PRDM2: variants seen among roughly 807,000 people sequenced by gnomAD.
PRDM2 encodes the protein PR domain zinc finger protein 2.
Under a neutral mutation model 130.0 loss-of-function variants are expected in PRDM2, and 30 were observed. The observed-to-expected ratio is 0.23, with a 90% CI of 0.17 to 0.31. PRDM2 has a LOEUF of 0.31. PRDM2 is among the 10% of genes least tolerant of loss of function. The pLI is 1.00. For missense variants in PRDM2, 2,011 were observed against 2,108.4 expected (o/e 0.95, Z 0.90); for synonymous variants, 871 against 782.4 (o/e 1.11, Z -1.89).
chr1:13,780,282 T>C lies in PRDM2; in HGVS notation c.2487T>C (p.Gly829=). 1 of 1,614,088 alleles carries C rather than the reference T, an allele frequency of 6.2e-7. No homozygotes were observed. The highest frequency in any genetic ancestry group is 8.5e-7 in the Non-Finnish European group (1 of 1,180,018). The part of the protein sequence containing the change: ...CNQQPLDLSS[G]VKQKAEGTGK... Reference sequence around the variant, plus strand: ...AGCAGCCACTGGATTTATCCAGCGGTGTCAAACAGAAGGCTGAGGGTACAG... The same window carrying C: ...AGCAGCCACTGGATTTATCCAGCGGCGTCAAACAGAAGGCTGAGGGTACAG... The change falls in exon 8 of 10, where the codon GGT becomes GGC. Residue 829 remains glycine, a synonymous_variant. Coordinates refer to ENST00000311066, the MANE Select transcript of PRDM2 (RefSeq NM_001393986.1).
intron 6 of PRDM2, among the ~76,000 whole-genome samples, chr1:13,753,854 T>C (rs1206739903): frequency 6.6e-6 from 1 of 152,220 alleles, no homozygotes; most frequent in African/African-American, 2.4e-5. Context: ...TCTTCCCTTC[T>C]GTTACTTAAC....
chr1:13,781,760 C>T lies in PRDM2; in HGVS notation c.3965C>T (p.Thr1322Ile), dbSNP rs750762260. Residue 1322 changes from threonine to isoleucine, a missense_variant, in exon 8 of 10, where the codon ACA becomes ATA. Thr to Ile is a moderately conservative substitution (Grantham distance 89). Coordinates refer to ENST00000311066, the MANE Select transcript of PRDM2 (RefSeq NM_001393986.1). This position sits in a 1 kb window ranked among gnomAD's most constrained non-coding sequence, Gnocchi z 6.1. ...GGTGTGACAGCCACAAATTTCACTA[C>T]ACACAATATTCCACAGACTTTCACT... ...GIGVTATNFT[T>I]HNIPQTFTTA... is the part of the protein sequence containing the mutation. 2 of 1,614,226 alleles carry T rather than the reference C, an allele frequency of 1.2e-6. No individual in the cohort carries two copies. The highest frequency in any genetic ancestry group is 1.7e-6 in the Non-Finnish European group (2 of 1,180,046).
chr1:13,728,493 C>T (rs542255155), intron 2 of PRDM2, among the ~76,000 whole-genome samples: 14 of 152,222 alleles, frequency 9.2e-5, no homozygotes, highest in Non-Finnish European at 1.6e-4. Flanking sequence ...GAGAGTCCAG[C>T]GGGGCTGTGG....
chr1:13,754,137 G>A (rs1458645616), intron 6 of PRDM2, among the ~76,000 whole-genome samples: 1 of 152,140 alleles, frequency 6.6e-6, no homozygotes, highest in African/African-American at 2.4e-5. Flanking sequence ...AGGTCTCCAG[G>A]AAGAGGGACC....
Position 13,726,628 on chromosome 1 carries a change from A to G in PRDM2, c.10-4372A>G, listed in dbSNP as rs76081057. Among the ~76,000 whole-genome samples the G allele has an allele frequency of 5.2e-4, 79 of 152,366 alleles. No homozygotes were observed. The East Asian group carries it at 0.014, about 27-fold the overall frequency. ...GAGTTTGAGGTAGGAAGTTGGAAAC[A>G]TCGAATTAATGAGATCAATTAATAG... On this transcript the variant is annotated intron_variant, in intron 2 of 9. Transcript: ENST00000311066.
At chr1:13,815,691 A>G (rs904596727) in intron 8 of PRDM2, among the ~76,000 whole-genome samples, 2 of 152,222 alleles carry the variant, frequency 1.3e-5, no homozygotes, top group Non-Finnish European at 2.9e-5. Context: ...TGAGTTATCT[A>G]TCTTTTAAAT....
At chr1:13,718,566 G>C (rs1052489642) in intron 2 of PRDM2, among the ~76,000 whole-genome samples, 1 of 152,094 alleles carries the variant, frequency 6.6e-6, no homozygotes, top group Non-Finnish European at 1.5e-5. Context: ...AAAGCTCCCC[G>C]ACCTACATAT....
At chr1:13,734,216 C>G (rs1037939408) in intron 4 of PRDM2, among the ~76,000 whole-genome samples, 7 of 152,066 alleles carry the variant, frequency 4.6e-5, no homozygotes, top group African/African-American at 1.7e-4. Flanking sequence ...AAAAACTGCC[C>G]GGCCAAAAAA....
chr1:13,800,972 C>T (rs1281803336), intron 8 of PRDM2, among the ~76,000 whole-genome samples: 1 of 152,200 alleles, frequency 6.6e-6, no homozygotes, highest in African/African-American at 2.4e-5. Context: ...GCTCAGGCTG[C>T]TGGTGGTGGA....
chr1:13,734,442 C>T (rs1001350655), intron 4 of PRDM2, among the ~76,000 whole-genome samples: 2 of 152,148 alleles, frequency 1.3e-5, no homozygotes, highest in Non-Finnish European at 2.9e-5. Flanking sequence ...TGAACAAATG[C>T]CATCAATATT....
intron 8 of PRDM2, among the ~76,000 whole-genome samples, chr1:13,815,338 C>T (rs1187162039): frequency 6.6e-6 from 1 of 152,156 alleles, no homozygotes. Flanking sequence ...TCTTGAACTC[C>T]TGACCTCAGG....
intron 6 of PRDM2, among the ~76,000 whole-genome samples, chr1:13,764,543 A>G (rs1295949850): frequency 6.6e-6 from 1 of 152,216 alleles, no homozygotes; most frequent in Non-Finnish European, 1.5e-5. Context: ...TAAGATGTGG[A>G]ATTATCCAGT....
In PRDM2 at chr1:13,780,978, C is replaced by G; in HGVS notation, c.3183C>G (p.Ser1061=). 1 of 1,601,782 alleles carries G rather than the reference C, an allele frequency of 6.2e-7. No individual in the cohort carries two copies. Among genetic ancestry groups the G allele is most frequent in the Non-Finnish European group, 8.6e-7 (1 of 1,169,062 alleles). Residue 1061 remains serine (S), a synonymous_variant, in exon 8 of 10, where the codon TCC becomes TCG. Coordinates refer to ENST00000311066, the MANE Select transcript of PRDM2 (RefSeq NM_001393986.1). ...CTTCCTCCTCTTCATCTTCCTCCTCCTCTTCGTTTTCTTCTTCATCTTCCT... is the reference window on the plus strand; with the variant it reads ...CTTCCTCCTCTTCATCTTCCTCCTCGTCTTCGTTTTCTTCTTCATCTTCCT... ...LSSSSSSSSS[S]SSFSSSSSSS...
rs751017068 is a variant in PRDM2 at position 13,823,192 on chromosome 1, G to T, written c.*57G>T. The T allele has an allele frequency of 6.2e-7, 1 of 1,613,398 alleles. No homozygotes were observed. The highest frequency in any genetic ancestry group is 1.1e-5 in the South Asian group (1 of 90,982). On this transcript the variant is annotated 3_prime_UTR_variant, in exon 10 of 10. Transcript: ENST00000311066. ...GTGACCTGGAATCAGTGAAGCCAAA[G>T]GGACTGGCAGTCTGCCCTGCAGGGA... is the stretch of plus-strand genomic sequence containing the variant.
chr1:13,714,093 T>C (rs1042903424), intron 1 of PRDM2, among the ~76,000 whole-genome samples: 1 of 152,094 alleles, frequency 6.6e-6, no homozygotes, highest in African/African-American at 2.4e-5. Flanking sequence ...ATGGTCTCGA[T>C]CTCCTGACCT....
intron 8 of PRDM2, among the ~76,000 whole-genome samples, chr1:13,813,647 T>C (rs1042253240): frequency 1.3e-5 from 2 of 152,168 alleles, no homozygotes; most frequent in Non-Finnish European, 2.9e-5. Context: ...AGAAAGTCCT[T>C]GGGAGTCATG....
intron 2 of PRDM2, 108 bp from the exon 3 acceptor site, chr1:13,730,892 G>T: frequency 1.3e-6 from 1 of 758,500 alleles, no homozygotes; most frequent in South Asian, 1.8e-5. Flanking sequence ...CCAGCTTCAG[G>T]TTTCGGTTAC....
chr1:13,774,946 C>T (rs1644441324), intron 7 of PRDM2, among the ~76,000 whole-genome samples: 4 of 147,508 alleles, frequency 2.7e-5, no homozygotes, highest in Non-Finnish European at 4.5e-5. Context: ...CCAGCCTGGG[C>T]GACAGAGCGA....
chr1:13,752,667 C>T (rs1643870673), intron 6 of PRDM2, among the ~76,000 whole-genome samples: 1 of 151,974 alleles, frequency 6.6e-6, no homozygotes, highest in African/African-American at 2.4e-5. Flanking sequence ...AGTGTTTTCC[C>T]TGCTCTCTCA....
Sources: allele counts gnomAD v4.1 joint callset (sites outside exome capture counted in the v4.1 genomes callset), GRCh38; gene constraint gnomAD v4.1.1; non-coding constraint Gnocchi (gnomAD v3.1); transcripts MANE v1.5; gene names NCBI Gene and HGNC (gene_info 2026-07-23, HGNC 2026-07-21).